The following EXPH5 variants were observed in gnomAD, a reference collection of about 807,000 sequenced individuals.
EXPH5 encodes exophilin 5.
EXPH5 carries 42 observed loss-of-function variants against 41.1 expected under a neutral mutation model. The ratio of observed to expected loss-of-function variants is 1.02; its 90% CI spans 0.80 to 1.32. The LOEUF (loss-of-function observed/expected upper bound fraction) is 1.32, where lower values mean the gene tolerates loss of function less well. Ranked by LOEUF, EXPH5 falls within the 40% of genes most tolerant of loss-of-function variation. The pLI, the probability that EXPH5 is intolerant of heterozygous loss-of-function variation, is 0.00. For synonymous variants in EXPH5, 798 were observed against 833.5 expected (o/e 0.96, Z 0.73); for missense variants, 2,298 against 2,314.5 (o/e 0.99, Z 0.15).
At chr11:108,583,300 T>C (rs1370478049) in intron 1 of EXPH5, among the ~76,000 whole-genome samples, 1 of 151,334 alleles carries the variant, frequency 6.6e-6, no homozygotes, top group Non-Finnish European at 1.5e-5. Flanking sequence ...GAGAATGGCG[T>C]GAACCCGAGT....
upstream of EXPH5, chr11:108,593,770 A>G: frequency 6.5e-7 from 1 of 1,535,558 alleles, no homozygotes; most frequent in Non-Finnish European, 8.7e-7. Flanking sequence ...TGCAAAGTGA[A>G]CGGCTAAAGG....
At chr11:108,603,396 C>A in the EXPH5 span, among the ~76,000 whole-genome samples, 1 of 152,078 alleles carries the variant, frequency 6.6e-6, no homozygotes, top group South Asian at 2.1e-4. Context: ...ATTTTTAAAT[C>A]ATATTTCACA....
At chr11:108,568,971 T>G (rs1286818240) in intron 1 of EXPH5, among the ~76,000 whole-genome samples, 2 of 152,012 alleles carry the variant, frequency 1.3e-5, no homozygotes, top group South Asian at 4.2e-4. Context: ...CCTCCTCCCC[T>G]CCAGTTTTGT....
intron 3 of EXPH5, among the ~76,000 whole-genome samples, chr11:108,530,202 G>A (rs960007448): frequency 6.6e-6 from 1 of 152,052 alleles, no homozygotes; most frequent in Admixed American, 6.6e-5. Flanking sequence ...GTTAAATACT[G>A]CTTTTATTTT....
rs762954041 is a variant in EXPH5 at position 108,541,608 on chromosome 11, C to T, written c.280+44G>A. 1.1e-5 allele frequency: 16 copies of T among 1,403,826 alleles called. No individual in the cohort carries two copies. The South Asian group carries it at 1.9e-4, about 17-fold the overall frequency. 87.0% of individuals were successfully genotyped at this position (1,403,826 alleles called of 1,614,324 possible). ...GGCCATTATCTACAATACTATGCCACAGAAACAAAGAAATCAACTTTAAAT... is the reference window on the plus strand; with the variant it reads ...GGCCATTATCTACAATACTATGCCATAGAAACAAAGAAATCAACTTTAAAT... On this transcript the variant is annotated intron_variant, in intron 2 of 5. Transcript: ENST00000265843.
chr11:108,562,268 T>G (rs76856288), intron 1 of EXPH5, among the ~76,000 whole-genome samples: 21 of 109,906 alleles, frequency 1.9e-4, no homozygotes, highest in South Asian at 1.3e-3. Context: ...TTTCTGTGTT[T>G]TTTTTTTTTT....
chr11:108,523,091 G>T (rs972344029), intron 4 of EXPH5, among the ~76,000 whole-genome samples: 4 of 151,896 alleles, frequency 2.6e-5, no homozygotes, highest in Admixed American at 2.0e-4. Flanking sequence ...GCCCAGGCTG[G>T]TCTCAAACTC....
At chr11:108,586,128 A>G (rs1442881670) in intron 1 of EXPH5, among the ~76,000 whole-genome samples, 1 of 151,948 alleles carries the variant, frequency 6.6e-6, no homozygotes, top group Non-Finnish European at 1.5e-5. Context: ...TAGTAGAGAC[A>G]GAGTTTTGCC....
chr11:108,584,507 C>T (rs756238057), intron 1 of EXPH5, among the ~76,000 whole-genome samples: 3 of 151,336 alleles, frequency 2.0e-5, no homozygotes, highest in Non-Finnish European at 2.9e-5. Context: ...AAGCATACTA[C>T]TTGACGTTAA....
intron 4 of EXPH5, among the ~76,000 whole-genome samples, chr11:108,522,030 CT>C (rs1244844478): frequency 6.6e-6 from 1 of 152,132 alleles, no homozygotes; most frequent in Non-Finnish European, 1.5e-5. Context: ...ATAATTTCCT[CT>C]GGTTTTATTT....
chr11:108,597,694 T>G (rs2094140676), upstream of EXPH5, among the ~76,000 whole-genome samples: 2 of 152,174 alleles, frequency 1.3e-5, no homozygotes, highest in African/African-American at 4.8e-5. Flanking sequence ...CTATTCCCTG[T>G]CTTGTGTAAC....
chr11:108,530,412 C>T (rs2093829629), intron 3 of EXPH5, among the ~76,000 whole-genome samples: 1 of 152,102 alleles, frequency 6.6e-6, no homozygotes, highest in South Asian at 2.1e-4. Flanking sequence ...AAGTAAAATG[C>T]ATGGGAAATG....
At chr11:108,604,846 AG>A in the EXPH5 span, among the ~76,000 whole-genome samples, 1 of 152,198 alleles carries the variant, frequency 6.6e-6, no homozygotes, top group Non-Finnish European at 1.5e-5. Flanking sequence ...TTTAGGTTAA[AG>A]GGGAAAGGAA....
the EXPH5 span, among the ~76,000 whole-genome samples, chr11:108,606,400 C>A: frequency 6.6e-6 from 1 of 152,208 alleles, no homozygotes; most frequent in South Asian, 2.1e-4. Context: ...TCTTACCCAT[C>A]CTAAGTCTTG....
intron 3 of EXPH5, among the ~76,000 whole-genome samples, chr11:108,537,784 T>C (rs1380951655): frequency 6.6e-6 from 1 of 152,236 alleles, no homozygotes; most frequent in Non-Finnish European, 1.5e-5. Context: ...CATTCTGCCT[T>C]AAAGAAAATC....
intron 1 of EXPH5, among the ~76,000 whole-genome samples, chr11:108,586,139 A>G (rs112539175): frequency 0.012 from 1,825 of 150,378 alleles, 38 homozygotes; most frequent in African/African-American, 0.041. Context: ...GAGTTTTGCC[A>G]TGTTGGCCAG....
chr11:108,593,808 G>GGGGC, upstream of EXPH5: 1 of 1,490,488 alleles, frequency 6.7e-7, no homozygotes, highest in Non-Finnish European at 9.0e-7. Flanking sequence ...CCGTTCCAAG[G>GGGGC]GGGCGGGCCC....
rs374631168 is a variant in EXPH5 at position 108,592,388 on chromosome 11, G to T, written c.119+1030C>A. Among the ~76,000 whole-genome samples the T allele has an allele frequency of 9.2e-5, 14 of 152,196 alleles. No individual in the cohort carries two copies. In the East Asian group the frequency reaches 2.5e-3, roughly 27 times the overall value. On this transcript the variant is annotated intron_variant, in intron 1 of 5. Transcript: ENST00000265843. ...GAGGGTTTCTTTTGTCGGCGGTGGG[G>T]GACAGGCAATTCTAGAAAGAATTGG...
chr11:108,593,483 G>A lies in EXPH5; in HGVS notation c.54C>T (p.Ala18=). ...TTTCCAGCACCTGAAGGATCTTCCT[G>A]GCCTCTTCGTCATTTAAGAAACTGA... is the stretch of plus-strand genomic sequence containing the variant. The part of the protein sequence containing the change: ...FDFSFLNDEE[A]RKILQVLERN... The change falls in exon 1 of 6, where the codon GCC becomes GCT. Residue 18 remains alanine (A), a synonymous_variant. Transcript: ENST00000265843. 1 of 1,614,044 alleles carries A rather than the reference G, an allele frequency of 6.2e-7. No individual in the cohort carries two copies. The highest frequency in any genetic ancestry group is 8.5e-7 in the Non-Finnish European group (1 of 1,179,966).
Sources: allele counts gnomAD v4.1 joint callset (sites outside exome capture counted in the v4.1 genomes callset), GRCh38; gene constraint gnomAD v4.1.1; transcripts MANE v1.5; gene names NCBI Gene and HGNC (gene_info 2026-07-23, HGNC 2026-07-21).